DLGAP5: variants seen among roughly 807,000 people sequenced by gnomAD.
DLGAP5 encodes disks large-associated protein 5.
In DLGAP5, 90 loss-of-function variants were observed where a neutral mutation model predicts 99.6. The observed-to-expected ratio is 0.90, with a 90% CI of 0.76 to 1.08. DLGAP5 has a LOEUF of 1.08. DLGAP5 is among the 50% of genes least tolerant of loss of function. The pLI is 0.00. For synonymous variants in DLGAP5, 311 were observed against 321.3 expected (o/e 0.97, Z 0.34); for missense variants, 1,036 against 983.5 (o/e 1.05, Z -0.71).
chr14:55,148,510 A>G (rs372279044), intron 18 of DLGAP5, 37 bp from the exon 19 acceptor site: 21 of 1,613,302 alleles, frequency 1.3e-5, no homozygotes, highest in Non-Finnish European at 1.6e-5. Context: ...TAAAGTATCC[A>G]TCAAGAGTTT....
chr14:55,166,506 G>A (rs1445144814), intron 12 of DLGAP5, among the ~76,000 whole-genome samples: 1 of 152,020 alleles, frequency 6.6e-6, no homozygotes, highest in Non-Finnish European at 1.5e-5. Context: ...GAGGCGGGTG[G>A]ATCACTTGAG....
intron 2 of DLGAP5, 71 bp downstream of exon 2, chr14:55,188,871 C>A: frequency 6.5e-6 from 7 of 1,082,564 alleles, no homozygotes; most frequent in East Asian, 3.0e-5. Context: ...GAGTTTTTTA[C>A]TCACACAGGC....
intron 2 of DLGAP5, among the ~76,000 whole-genome samples, chr14:55,184,789 A>T (rs538464055): frequency 6.6e-6 from 1 of 152,340 alleles, no homozygotes; most frequent in East Asian, 1.9e-4. Context: ...TCTTGGAGGC[A>T]GATCCTCCAG....
intron 13 of DLGAP5, among the ~76,000 whole-genome samples, chr14:55,159,044 C>CG (rs1491460840): frequency 1.0e-5 from 1 of 95,784 alleles, no homozygotes; most frequent in African/African-American, 6.1e-5. Context: ...AACCATGACA[C>CG]CCCCCCCCCA....
Position 55,151,942 on chromosome 14 carries a change from C to G in DLGAP5, c.2122-1G>C, listed in dbSNP as rs780027980. ...CCTTCAAGTCTGTCTTATTTACAAC[C>G]TGGAAGTAAAAATGGCATTATATTT... On this transcript the variant is annotated splice_acceptor_variant, in intron 16 of 18. Coordinates refer to ENST00000247191, the MANE Select transcript of DLGAP5 (RefSeq NM_014750.5). LOFTEE classifies it high-confidence loss of function. 3.7e-6 allele frequency: 6 copies of G among 1,604,810 alleles called. No individual in the cohort carries two copies. The Admixed American group carries it at 5.2e-5, about 14-fold the overall frequency.
intron 13 of DLGAP5, among the ~76,000 whole-genome samples, chr14:55,162,023 G>A (rs968522686): frequency 1.3e-5 from 2 of 151,688 alleles, no homozygotes; most frequent in East Asian, 3.9e-4. Context: ...GACAACCTGA[G>A]TTTATAACTA....
chr14:55,151,563 G>T, intron 17 of DLGAP5, 132 bp downstream of exon 17: 1 of 986,334 alleles, frequency 1.0e-6, no homozygotes, highest in Non-Finnish European at 1.4e-6. Context: ...TCTAATTCAG[G>T]GTCTTCACTA....
chr14:55,177,359 AGAGT>A (rs1463869979), intron 7 of DLGAP5, 23 bp from the exon 8 acceptor site: 7 of 1,550,588 alleles, frequency 4.5e-6, no homozygotes, highest in Non-Finnish European at 6.1e-6. Context: ...TTAACAAAGT[AGAGT>A]AAGATTTCTC....
rs1882297811 is a variant in DLGAP5, at chr14:55,158,658, T to C, written c.1737A>G (p.Ile579Met). ...RIAARNRLAA[I>M]KNAMRERIRQ... ...TAATTCTCTCTCTCATTGCATTTTTTATGGCAGCTAGGCGATTTCTCGCTG... is the reference window on the plus strand; with the variant it reads ...TAATTCTCTCTCTCATTGCATTTTTCATGGCAGCTAGGCGATTTCTCGCTG... Residue 579 changes from isoleucine to methionine, a missense_variant, in exon 14 of 19, where the codon ATA becomes ATG. Transcript: ENST00000247191. 2 of 1,614,036 alleles carry C rather than the reference T, an allele frequency of 1.2e-6. No individual in the cohort carries two copies. The highest frequency in any genetic ancestry group is 1.3e-5 in the African/African-American group (1 of 74,942).
chr14:55,164,055 T>C (rs1882546020), intron 12 of DLGAP5, among the ~76,000 whole-genome samples: 1 of 152,226 alleles, frequency 6.6e-6, no homozygotes, highest in Non-Finnish European at 1.5e-5. Flanking sequence ...TCCCCATCTT[T>C]CTGATACTTC....
At chr14:55,173,684 T>C (rs1262027879) in intron 10 of DLGAP5, among the ~76,000 whole-genome samples, 1 of 152,080 alleles carries the variant, frequency 6.6e-6, no homozygotes, top group East Asian at 1.9e-4. Flanking sequence ...AGAACGTGGA[T>C]TATGAAGATT....
chr14:55,172,252 C>G (rs1161041585), intron 10 of DLGAP5, among the ~76,000 whole-genome samples: 1 of 149,138 alleles, frequency 6.7e-6, no homozygotes, highest in East Asian at 2.0e-4. Flanking sequence ...CTTTGTGAGG[C>G]TGAGGCAGGC....
intron 16 of DLGAP5, among the ~76,000 whole-genome samples, 190 bp from the exon 17 acceptor site, chr14:55,152,131 A>G (rs1285954264): frequency 6.6e-6 from 1 of 152,174 alleles, no homozygotes; most frequent in Non-Finnish European, 1.5e-5. Flanking sequence ...AAATAGTATG[A>G]TTGAAGGCAA....
chr14:55,149,864 A>T (rs1411836380), intron 18 of DLGAP5, among the ~76,000 whole-genome samples: 2 of 152,034 alleles, frequency 1.3e-5, no homozygotes, highest in Non-Finnish European at 1.5e-5. Flanking sequence ...AGCCTGGCCA[A>T]CATGGTGAAA....
chr14:55,178,124 C>T (rs1341828828), intron 7 of DLGAP5, among the ~76,000 whole-genome samples: 2 of 151,408 alleles, frequency 1.3e-5, no homozygotes, highest in South Asian at 2.1e-4. Context: ...TGGTGGCAGG[C>T]GCCTATAGTC....
chr14:55,176,976 GAAAAA>G (rs34109336), intron 8 of DLGAP5, 81 bp downstream of exon 8: 508 of 253,110 alleles, frequency 2.0e-3, no homozygotes, highest in Middle Eastern at 5.9e-3. Flanking sequence ...AACTCCGTCT[GAAAAA>G]AAAAAAAAAA....
At chr14:55,174,199 G>T (rs1023892840) in intron 10 of DLGAP5, among the ~76,000 whole-genome samples, 15 of 152,280 alleles carry the variant, frequency 9.9e-5, no homozygotes, top group African/African-American at 3.4e-4. Context: ...TCTTACTGTC[G>T]AAACTGCAGG....
chr14:55,177,599 G>A (rs1371521201), intron 7 of DLGAP5, among the ~76,000 whole-genome samples: 4 of 150,932 alleles, frequency 2.7e-5, no homozygotes, highest in African/African-American at 9.8e-5. Context: ...GTGCAGTCGC[G>A]CGATCTCGGC....
At chr14:55,189,789 G>GT (rs967780986) in intron 1 of DLGAP5, among the ~76,000 whole-genome samples, 70 of 150,922 alleles carry the variant, frequency 4.6e-4, no homozygotes, top group Non-Finnish European at 5.3e-4. Flanking sequence ...AAACACAGGT[G>GT]TTTTTTTTTG....
Sources: gnomAD v4.1 joint callset for allele counts (sites outside exome capture counted in the v4.1 genomes callset) on GRCh38, gnomAD v4.1.1 for gene constraint, MANE v1.5 for transcripts, NCBI Gene and HGNC (gene_info 2026-07-23, HGNC 2026-07-21) for gene names.